Variants in LRRC37A2 observed in about 807,000 individuals in gnomAD.
LRRC37A2 encodes the protein leucine rich repeat containing 37 member A2, also known as leucine-rich repeat-containing protein 37A2.
In LRRC37A2, 9 loss-of-function variants were observed where a neutral mutation model predicts 68.8. The ratio of observed to expected loss-of-function variants is 0.13; its 90% CI spans 0.08 to 0.23. The LOEUF is 0.23. LRRC37A2 is among the 10% of genes least tolerant of loss of function. LRRC37A2 has a pLI of 1.00. For synonymous variants in LRRC37A2, 63 were observed against 367.6 expected (o/e 0.17, Z 9.48); for missense variants, 168 against 950.4 (o/e 0.18, Z 10.82).
At chr17:47,018,061 C>G in the LRRC37A2 span, 2 of 1,512,290 alleles carry the variant, frequency 1.3e-6, no homozygotes, top group South Asian at 2.3e-5. Context: ...GAGGATCAAG[C>G]TTATTATCAC....
chr17:46,852,260 G>A, the LRRC37A2 span, among the ~76,000 whole-genome samples: 1 of 148,236 alleles, frequency 6.7e-6, no homozygotes, highest in Non-Finnish European at 1.5e-5. Flanking sequence ...GAGAATGGGG[G>A]AAACCTCGGA....
chr17:46,745,305 C>T, the LRRC37A2 span, among the ~76,000 whole-genome samples: 1 of 152,200 alleles, frequency 6.6e-6, no homozygotes, highest in Admixed American at 6.5e-5. Context: ...AATGGCCCAG[C>T]ACAATTTAAT....
the LRRC37A2 span, among the ~76,000 whole-genome samples, chr17:47,037,997 T>C: frequency 1.6e-5 from 2 of 127,678 alleles, no homozygotes. Flanking sequence ...TCATTTCTAA[T>C]TTTAATAATT....
chr17:47,029,749 C>T, the LRRC37A2 span, among the ~76,000 whole-genome samples: 1 of 152,152 alleles, frequency 6.6e-6, no homozygotes, highest in African/African-American at 2.4e-5. Context: ...CTTTACTAAG[C>T]ACTTTATACA....
chr17:46,875,398 T>C, the LRRC37A2 span: 2 of 1,559,148 alleles, frequency 1.3e-6, no homozygotes, highest in Admixed American at 1.8e-5. Flanking sequence ...CGCAGTGCCT[T>C]CCCACCAGGG....
the LRRC37A2 span, among the ~76,000 whole-genome samples, chr17:46,910,594 T>C: frequency 6.6e-6 from 1 of 152,194 alleles, no homozygotes; most frequent in African/African-American, 2.4e-5. Context: ...AAGCATATGA[T>C]CCAACCTGGA....
chr17:47,035,212 T>A, the LRRC37A2 span: 1 of 152,254 alleles, frequency 6.6e-6, no homozygotes, highest in Non-Finnish European at 1.5e-5. Flanking sequence ...TACAATTCAG[T>A]GGTGGTTAGT....
the LRRC37A2 span, among the ~76,000 whole-genome samples, chr17:46,460,907 T>C: frequency 1.6e-5 from 1 of 63,148 alleles, no homozygotes; most frequent in East Asian, 3.1e-4. Context: ...GAAAATGGTT[T>C]AGAACTTTCT....
At chr17:46,941,122 C>T in the LRRC37A2 span, 1 of 1,022,432 alleles carries the variant, frequency 9.8e-7, no homozygotes, top group Non-Finnish European at 1.2e-6. Flanking sequence ...GGTGGGTTAT[C>T]AAGAGGAACT....
the LRRC37A2 span, among the ~76,000 whole-genome samples, chr17:46,916,121 G>C: frequency 6.6e-6 from 1 of 152,194 alleles, no homozygotes; most frequent in South Asian, 2.1e-4. Flanking sequence ...CCCTCTCCAA[G>C]GCTTTGCAAC....
chr17:46,824,397 C>T, the LRRC37A2 span, among the ~76,000 whole-genome samples: 6 of 152,018 alleles, frequency 3.9e-5, no homozygotes, highest in East Asian at 9.6e-4. Flanking sequence ...TACAGGCGCT[C>T]GCCACCATGC....
chr17:46,809,847 A>C, the LRRC37A2 span, among the ~76,000 whole-genome samples: 1 of 151,992 alleles, frequency 6.6e-6, no homozygotes, highest in Non-Finnish European at 1.5e-5. Context: ...CAGGACCCCT[A>C]CAGGAAGGAG....
At chr17:46,796,431 G>A in the LRRC37A2 span, among the ~76,000 whole-genome samples, 7 of 152,228 alleles carry the variant, frequency 4.6e-5, no homozygotes, top group Non-Finnish European at 1.0e-4. Flanking sequence ...TGGGGAAACT[G>A]AGGCAGAGAT....
the LRRC37A2 span, among the ~76,000 whole-genome samples, chr17:46,738,462 T>G: frequency 6.6e-6 from 1 of 152,156 alleles, no homozygotes; most frequent in Non-Finnish European, 1.5e-5. Flanking sequence ...ACATTCTTAG[T>G]GTCTGAAGCA....
the LRRC37A2 span, among the ~76,000 whole-genome samples, chr17:46,776,327 G>C: frequency 1.3e-5 from 2 of 152,256 alleles, no homozygotes; most frequent in East Asian, 3.8e-4. Flanking sequence ...GGCGCACACA[G>C]CACTGCCCCT....
the LRRC37A2 span, among the ~76,000 whole-genome samples, chr17:46,981,666 A>G: frequency 0.63 from 96,546 of 152,050 alleles, 30,998 homozygotes; most frequent in African/African-American, 0.7. Flanking sequence ...AACATTAAGC[A>G]TGTGTGTATA....
At chr17:46,823,623 A>T in the LRRC37A2 span, among the ~76,000 whole-genome samples, 2 of 152,102 alleles carry the variant, frequency 1.3e-5, no homozygotes, top group South Asian at 4.1e-4. Flanking sequence ...TTTTTTTGGT[A>T]GAGACAGGGT....
chr17:46,743,317 G>A, the LRRC37A2 span, among the ~76,000 whole-genome samples: 1 of 152,214 alleles, frequency 6.6e-6, no homozygotes, highest in Non-Finnish European at 1.5e-5. Context: ...ACCACAGGCA[G>A]AGGACTATTC....
chr17:46,851,571 G>GGGT, the LRRC37A2 span: 1 of 877,804 alleles, frequency 1.1e-6, no homozygotes. This position sits in a 1 kb window ranked among gnomAD's most constrained non-coding sequence, Gnocchi z 4.3. Flanking sequence ...TCCCGCGGGC[G>GGGT]GGTGGTGGCG....
Sources: gnomAD v4.1 joint callset for allele counts (sites outside exome capture counted in the v4.1 genomes callset) on GRCh38, gnomAD v4.1.1 for gene constraint, Gnocchi (gnomAD v3.1) non-coding constraint, MANE v1.5 for transcripts, NCBI Gene and HGNC (gene_info 2026-07-23, HGNC 2026-07-21) for gene names.